The following MCHR2 variants were observed in gnomAD, a reference collection of about 807,000 sequenced individuals.
The protein encoded by MCHR2 is melanin concentrating hormone receptor 2.
A neutral mutation model predicts 24.8 loss-of-function variants in MCHR2; 15 were observed. The ratio of observed to expected loss-of-function variants is 0.60; its 90% CI spans 0.40 to 0.93. The LOEUF (loss-of-function observed/expected upper bound fraction) is 0.93. Among genes scored for constraint, MCHR2 ranks in the 40% least tolerant of loss-of-function variants. The pLI is 0.00. For synonymous variants in MCHR2, 151 were observed against 147.6 expected, an observed-to-expected ratio of 1.02 and a Z score of -0.17; for missense variants, 386 against 408.7, an observed-to-expected ratio of 0.94 and a Z score of 0.48.
At chr6:99,930,217 C>T (rs1172162326) in intron 5 of MCHR2, among the ~76,000 whole-genome samples, 7 of 149,638 alleles carry the variant, frequency 4.7e-5, no homozygotes, top group African/African-American at 1.5e-4. Flanking sequence ...CGCTGTTAGT[C>T]TGATGGGCTT....
At chr6:99,930,744 AT>A (rs548959359) in intron 5 of MCHR2, among the ~76,000 whole-genome samples, 3 of 151,792 alleles carry the variant, frequency 2.0e-5, no homozygotes, top group Admixed American at 1.3e-4. Flanking sequence ...ATTCGTCTAA[AT>A]TTTTTTTCAA....
chr6:99,974,755 T>G (rs910805982), intron 1 of MCHR2, among the ~76,000 whole-genome samples: 3 of 152,248 alleles, frequency 2.0e-5, no homozygotes, highest in Non-Finnish European at 4.4e-5. Context: ...ACTTCCTGTT[T>G]GTTAGTTTTC....
intron 2 of MCHR2, 97 bp downstream of exon 2, chr6:99,955,869 A>G: frequency 2.0e-6 from 2 of 1,022,160 alleles, no homozygotes; most frequent in Non-Finnish European, 1.3e-6. Context: ...CATTTCATTA[A>G]GCAAAATGCT....
At chr6:99,943,836 C>T (rs1350553380) in intron 3 of MCHR2, among the ~76,000 whole-genome samples, 2 of 152,150 alleles carry the variant, frequency 1.3e-5, no homozygotes, top group Non-Finnish European at 2.9e-5. Context: ...ATAAACGAAA[C>T]TCTGGAAAAC....
chr6:99,980,087 C>T (rs1775634849), intron 1 of MCHR2, among the ~76,000 whole-genome samples: 2 of 150,588 alleles, frequency 1.3e-5, no homozygotes, highest in South Asian at 4.2e-4. Context: ...TTGATCATTT[C>T]AAGTTACATG....
At chr6:99,991,158 AAG>A (rs946127869) in intron 1 of MCHR2, among the ~76,000 whole-genome samples, 4 of 151,806 alleles carry the variant, frequency 2.6e-5, no homozygotes, top group African/African-American at 9.7e-5. Context: ...GAGTGGGGAA[AAG>A]AGGGGAGCAG....
At chr6:99,948,014 A>G (rs1317333206) in intron 2 of MCHR2, 43 bp from the exon 3 acceptor site, 1 of 1,540,600 alleles carries the variant, frequency 6.5e-7, no homozygotes, top group Non-Finnish European at 8.9e-7. Flanking sequence ...TTGAATGTAT[A>G]CAGACTATTC....
chr6:99,934,535 G>A lies in MCHR2; in HGVS notation c.588-18C>T. On this transcript the variant is annotated intron_variant, in intron 4 of 5. Coordinates refer to ENST00000281806, the MANE Select transcript of MCHR2 (RefSeq NM_001040179.2). ...GTGTATACCTGTAAAATGAGAGAGA[G>A]AAGAGAGAGAGAGAAAGAACAACAC... 1 of 1,545,016 alleles carries A rather than the reference G, an allele frequency of 6.5e-7. No homozygotes were observed. The highest frequency in any genetic ancestry group is 2.4e-5 in the East Asian group (1 of 42,092).
At chr6:99,957,633 T>C (rs1775090865) in intron 1 of MCHR2, among the ~76,000 whole-genome samples, 1 of 152,114 alleles carries the variant, frequency 6.6e-6, no homozygotes, top group Non-Finnish European at 1.5e-5. Context: ...GAGTTGTTAT[T>C]ACGTAACTCT....
At chr6:99,959,056 C>T (rs1202035884) in intron 1 of MCHR2, among the ~76,000 whole-genome samples, 1 of 152,100 alleles carries the variant, frequency 6.6e-6, no homozygotes, top group South Asian at 2.1e-4. Flanking sequence ...AAGATTGGAG[C>T]ATATATGCAG....
chr6:99,982,172 T>A (rs569899059), intron 1 of MCHR2, among the ~76,000 whole-genome samples: 29 of 152,206 alleles, frequency 1.9e-4, no homozygotes, highest in African/African-American at 6.7e-4. Flanking sequence ...ACTGCAGTTA[T>A]GGCGGCCTTG....
At chr6:99,960,510 GC>G (rs1373771398) in intron 1 of MCHR2, among the ~76,000 whole-genome samples, 1 of 152,096 alleles carries the variant, frequency 6.6e-6, no homozygotes, top group African/African-American at 2.4e-5. Context: ...CCAAAAAAGA[GC>G]CCCCATAGCC....
intron 2 of MCHR2, among the ~76,000 whole-genome samples, chr6:99,949,172 C>T (rs1431664947): frequency 6.6e-6 from 1 of 152,074 alleles, no homozygotes; most frequent in Non-Finnish European, 1.5e-5. Flanking sequence ...TATTGAGCAC[C>T]AATTACATGG....
chr6:99,948,396 G>A (rs910882741), intron 2 of MCHR2, among the ~76,000 whole-genome samples: 4 of 152,138 alleles, frequency 2.6e-5, no homozygotes, highest in African/African-American at 7.2e-5. Context: ...GGATACTCAA[G>A]CAACACTATG....
At chr6:99,987,656 A>G (rs7748458) in intron 1 of MCHR2, among the ~76,000 whole-genome samples, 91,697 of 152,020 alleles carry the variant, frequency 0.6, 27,760 homozygotes, top group Middle Eastern at 0.66. Context: ...ATACAGACAT[A>G]TGCTTTAACT....
intron 1 of MCHR2, among the ~76,000 whole-genome samples, chr6:99,974,153 G>A (rs1242690213): frequency 1.3e-5 from 2 of 152,190 alleles, no homozygotes; most frequent in African/African-American, 4.8e-5. Flanking sequence ...CCTGCAGAGT[G>A]TTTTCCAGCT....
At chr6:99,956,901 C>T (rs921506685) in intron 1 of MCHR2, among the ~76,000 whole-genome samples, 1 of 152,054 alleles carries the variant, frequency 6.6e-6, no homozygotes, top group Non-Finnish European at 1.5e-5. Flanking sequence ...AATTGGATTA[C>T]TCAGATTAAT....
chr6:99,925,525 G>C (rs187413631), intron 5 of MCHR2, among the ~76,000 whole-genome samples: 95 of 151,968 alleles, frequency 6.3e-4, no homozygotes, highest in Middle Eastern at 3.4e-3. Flanking sequence ...TCTGGTAATA[G>C]GATTTAGTTT....
chr6:99,971,736 C>T (rs1403154563), intron 1 of MCHR2, among the ~76,000 whole-genome samples: 1 of 152,100 alleles, frequency 6.6e-6, no homozygotes, highest in African/African-American at 2.4e-5. Flanking sequence ...ATACGTCCCA[C>T]CAATACCTAA....
Sources: allele counts gnomAD v4.1 joint callset (sites outside exome capture counted in the v4.1 genomes callset), GRCh38; gene constraint gnomAD v4.1.1; transcripts MANE v1.5; gene names NCBI Gene and HGNC (gene_info 2026-07-23, HGNC 2026-07-21).